The following KLHL14 variants were observed in gnomAD, a reference collection of about 807,000 sequenced individuals.
KLHL14 encodes the protein kelch-like protein 14.
Under a neutral mutation model 64.3 loss-of-function variants are expected in KLHL14, and 22 were observed. The observed-to-expected ratio is 0.34, with a 90% CI of 0.24 to 0.49. KLHL14 has a LOEUF of 0.49. KLHL14 is among the 20% of genes least tolerant of loss of function. KLHL14 has a pLI of 0.99. For synonymous variants in KLHL14, 322 were observed against 333.4 expected, an observed-to-expected ratio of 0.97 and a Z score of 0.37; for missense variants, 661 against 789.0, an observed-to-expected ratio of 0.84 and a Z score of 1.94.
chr18:32,769,728 C>T lies in KLHL14; in HGVS notation c.864G>A (p.Pro288=), dbSNP rs17851892. 0.35 allele frequency: 563,715 copies of T among 1,592,098 alleles called. 102,230 individuals are homozygous for T. The highest frequency in any genetic ancestry group is 0.44 in the South Asian group (38,962 of 87,758). ...VQSVDFMRTD[P]VCQKLLLDAM... is the part of the protein sequence containing the mutation. ...CGTCCAGCAGCAGCTTCTGGCAGAC[C>T]GGGTCGGTTCGCATGAAATCCACTG... is the stretch of plus-strand genomic sequence containing the variant. Residue 288 remains proline (P), a synonymous_variant, in exon 2 of 9, where the codon CCG becomes CCA. Transcript: ENST00000359358.
intron 2 of KLHL14, among the ~76,000 whole-genome samples, chr18:32,763,612 A>T (rs906415624): frequency 2.0e-5 from 3 of 152,154 alleles, no homozygotes; most frequent in African/African-American, 7.2e-5. Flanking sequence ...GTGATAAGTC[A>T]AGCTTGTGGT....
chr18:32,736,113 T>C (rs945000367), intron 3 of KLHL14, among the ~76,000 whole-genome samples: 29 of 152,140 alleles, frequency 1.9e-4, no homozygotes, highest in Non-Finnish European at 4.0e-4. Context: ...GAAAAAACAA[T>C]TGCTATATTC....
intron 2 of KLHL14, among the ~76,000 whole-genome samples, chr18:32,766,169 G>T (rs2050342927): frequency 6.6e-6 from 1 of 151,886 alleles, no homozygotes; most frequent in African/African-American, 2.4e-5. Flanking sequence ...GTTATATTGT[G>T]TGAGGTGCAA....
chr18:32,728,691 A>G (rs1047203320), intron 3 of KLHL14, among the ~76,000 whole-genome samples: 2 of 152,202 alleles, frequency 1.3e-5, no homozygotes, highest in East Asian at 1.9e-4. Flanking sequence ...GCCTGGTCAA[A>G]AAAAGGATGC....
intron 3 of KLHL14, among the ~76,000 whole-genome samples, chr18:32,719,351 T>C (rs1031379153): frequency 7.2e-5 from 11 of 152,220 alleles, no homozygotes; most frequent in African/African-American, 2.2e-4. Context: ...TTTAAAACTT[T>C]AGAATTTTTG....
intron 4 of KLHL14, among the ~76,000 whole-genome samples, chr18:32,693,413 C>CACACACACACACACACACAGAG (rs1229737083): frequency 1.5e-4 from 15 of 97,034 alleles, no homozygotes; most frequent in African/African-American, 7.3e-4. Flanking sequence ...CACACACACA[C>CACACACACACACACACACAGAG]AGAGAGAGAG....
chr18:32,762,214 T>C (rs2050318156), intron 2 of KLHL14, among the ~76,000 whole-genome samples: 1 of 152,182 alleles, frequency 6.6e-6, no homozygotes, highest in African/African-American at 2.4e-5. Flanking sequence ...GAAAATATTT[T>C]CTTTCTTTTG....
At chr18:32,750,664 G>A (rs890017738) in intron 2 of KLHL14, among the ~76,000 whole-genome samples, 9 of 152,104 alleles carry the variant, frequency 5.9e-5, no homozygotes, top group African/African-American at 1.9e-4. Flanking sequence ...TCAAGTCACC[G>A]AATTTCATGG....
intron 2 of KLHL14, among the ~76,000 whole-genome samples, chr18:32,768,428 CA>C (rs1253387950): frequency 7.4e-5 from 11 of 149,626 alleles, no homozygotes; most frequent in Non-Finnish European, 1.3e-4. Flanking sequence ...CACACACACA[CA>C]CACCATTTAA....
chr18:32,769,516 T>A (rs2050365190), intron 2 of KLHL14, 129 bp downstream of exon 2: 20 of 813,516 alleles, frequency 2.5e-5, no homozygotes, highest in Non-Finnish European at 3.7e-5. Flanking sequence ...TTGTTTGCGT[T>A]TGTTTTCATC....
intron 2 of KLHL14, chr18:32,744,047 C>A (rs999523433): frequency 3.3e-5 from 5 of 152,176 alleles, no homozygotes; most frequent in African/African-American, 1.2e-4. Context: ...CCACATGCCG[C>A]CAGACTGCAG....
In KLHL14 at chr18:32,770,356, C is replaced by G; in HGVS notation, c.236G>C (p.Gly79Ala). Residue 79 changes from glycine to alanine, a missense_variant, in exon 2 of 9, where the codon GGG becomes GCG. This residue lies in a region of KLHL14 where 331 missense variants were observed against 339.0 expected (regional missense o/e 0.98). Transcript: ENST00000359358. This position sits in a 1 kb window ranked among gnomAD's most constrained non-coding sequence, Gnocchi z 6.7. The part of the protein sequence containing the change: ...GGGVGGQDGL[G>A]APKDQQQPPQ... The stretch of plus-strand genomic sequence containing the variant: ...CGGCTGCTGCTGGTCCTTGGGGGCC[C>G]CCAGGCCGTCCTGGCCGCCGACCCC... 1 of 1,584,950 alleles carries G rather than the reference C, an allele frequency of 6.3e-7. No homozygotes were observed. Among genetic ancestry groups the G allele is most frequent in the Non-Finnish European group, 8.6e-7 (1 of 1,165,704 alleles).
chr18:32,709,049 G>T (rs1465982408), intron 3 of KLHL14, among the ~76,000 whole-genome samples: 1 of 152,142 alleles, frequency 6.6e-6, no homozygotes, highest in Non-Finnish European at 1.5e-5. Flanking sequence ...TCTAAAACCA[G>T]AGTCAGGTGA....
chr18:32,694,429 T>C lies in KLHL14; in HGVS notation c.1159+1034A>G, dbSNP rs571063553. Among the ~76,000 whole-genome samples the C allele has an allele frequency of 3.9e-4, 60 of 152,330 alleles. 1 individual carries two copies. Among genetic ancestry groups the C allele is most frequent in the South Asian group, 6.2e-4 (3 of 4,828 alleles). Reference sequence around the variant, plus strand: ...AGGGGAGAGATATGAAATATCATCCTTGCTCCTGTTCCAAGTTTCTCACAA... The same window carrying C: ...AGGGGAGAGATATGAAATATCATCCCTGCTCCTGTTCCAAGTTTCTCACAA... On this transcript the variant is annotated intron_variant, in intron 4 of 8. Coordinates refer to ENST00000359358, the MANE Select transcript of KLHL14 (RefSeq NM_020805.3).
intron 2 of KLHL14, among the ~76,000 whole-genome samples, chr18:32,764,019 T>G (rs1027980610): frequency 1.3e-5 from 2 of 152,238 alleles, no homozygotes; most frequent in Non-Finnish European, 2.9e-5. Context: ...TCAGGAATCC[T>G]GACATGCCCT....
At chr18:32,731,040 C>T (rs764910870) in intron 3 of KLHL14, among the ~76,000 whole-genome samples, 1 of 152,148 alleles carries the variant, frequency 6.6e-6, no homozygotes, top group Non-Finnish European at 1.5e-5. Flanking sequence ...AGCACAGCTC[C>T]TTGCTCCATC....
At chr18:32,707,437 G>T (rs911356786) in intron 3 of KLHL14, among the ~76,000 whole-genome samples, 10 of 152,204 alleles carry the variant, frequency 6.6e-5, no homozygotes. Flanking sequence ...AGAAAGGGCC[G>T]CCTGCAAAGC....
At position 32,742,017 on chromosome 18, in the gene KLHL14, A is replaced by G. The variant is rs767060763; in HGVS notation, c.980T>C (p.Val327Ala). 3.1e-6 allele frequency: 5 copies of G among 1,613,314 alleles called. No homozygotes were observed. The highest frequency in any genetic ancestry group is 1.6e-4 in the Middle Eastern group (1 of 6,082). ...GTCCGGTCCAGGAGGCAGCCCTCCA[A>G]CCAATAACAGCATTTTCTTGTTAGA... ...IRSNKKMLLL[V>A]GGLPPGPDRL... Residue 327 changes from valine (V) to alanine (A), a missense_variant, in exon 3 of 9, where the codon GTT (valine) becomes GCT (alanine). By Grantham distance (64) the Val-to-Ala change is moderately conservative. This residue lies in a region of KLHL14 where 330 missense variants were observed against 450.0 expected (regional missense o/e 0.73). Transcript: ENST00000359358.
At chr18:32,700,872 G>A (rs150972592) in intron 3 of KLHL14, among the ~76,000 whole-genome samples, 1 of 152,260 alleles carries the variant, frequency 6.6e-6, no homozygotes, top group East Asian at 1.9e-4. Flanking sequence ...TGACTTGTGA[G>A]GAGAGAATTG....
Sources: allele counts gnomAD v4.1 joint callset (sites outside exome capture counted in the v4.1 genomes callset), GRCh38; gene constraint gnomAD v4.1.1; regional missense constraint gnomAD v4.1.1; non-coding constraint Gnocchi (gnomAD v3.1); transcripts MANE v1.5; gene names NCBI Gene and HGNC (gene_info 2026-07-23, HGNC 2026-07-21).